The following PPP6R2 variants were observed in gnomAD, a reference collection of about 807,000 sequenced individuals.
PPP6R2 encodes serine/threonine-protein phosphatase 6 regulatory subunit 2.
PPP6R2 carries 62 observed loss-of-function variants against 100.2 expected under a neutral mutation model. That is an observed-to-expected ratio of 0.62 (90% CI 0.50 to 0.76). The LOEUF is 0.76. Ranked by LOEUF, PPP6R2 falls within the 30% of genes least tolerant of loss-of-function variation. The pLI, the probability that PPP6R2 is intolerant of heterozygous loss-of-function variation, is 0.00. For missense variants in PPP6R2, 1,142 were observed against 1,276.3 expected (o/e 0.89, Z 1.60); for synonymous variants, 525 against 514.7 (o/e 1.02, Z -0.27).
intron 2 of PPP6R2, among the ~76,000 whole-genome samples, chr22:50,377,474 G>A (rs7287079): frequency 0.072 from 10,877 of 151,880 alleles, 861 homozygotes; most frequent in African/African-American, 0.2. Context: ...AGTGTGTACA[G>A]GTTTAATAAC....
intron 2 of PPP6R2, among the ~76,000 whole-genome samples, chr22:50,384,485 G>A (rs986742203): frequency 1.3e-5 from 2 of 152,046 alleles, no homozygotes; most frequent in Non-Finnish European, 2.9e-5. Context: ...AACTTGGGAG[G>A]TGGAGGTTGC....
intron 4 of PPP6R2, among the ~76,000 whole-genome samples, chr22:50,410,228 T>C (rs2059548530): frequency 6.6e-6 from 1 of 152,254 alleles, no homozygotes; most frequent in East Asian, 1.9e-4. Flanking sequence ...TGACAAACTG[T>C]GGTCCACAGG....
chr22:50,355,264 G>A (rs1428611364), intron 1 of PPP6R2, among the ~76,000 whole-genome samples: 3 of 144,650 alleles, frequency 2.1e-5, no homozygotes, highest in African/African-American at 7.9e-5. Context: ...TTGAGACAGA[G>A]TCTCGCTCTG....
At position 50,423,728 on chromosome 22, in the gene PPP6R2, G is replaced by A; in HGVS notation, c.1125+114G>A. ...AGCATTTGGACAAAGCTCTGCCACG[G>A]GGAGGTTCCAGTCCCAAGTCCCAAG... On this transcript the variant is annotated intron_variant, in intron 10 of 23. Transcript: ENST00000612753. This position sits in a 1 kb window ranked among gnomAD's most constrained non-coding sequence, Gnocchi z 4.8. 7.4e-7 allele frequency: 1 copy of A among 1,359,620 alleles called. No individual in the cohort carries two copies. The highest frequency in any genetic ancestry group is 2.5e-5 in the East Asian group (1 of 39,784). The allele number at this position is 1,359,620 out of a possible 1,614,324, so 84.2% of individuals were successfully genotyped here. A position where few individuals can be genotyped will look rare whatever the true frequency, so the allele number is the denominator to read the frequency against.
chr22:50,394,913 CAAAAAA>C (rs57028687), intron 3 of PPP6R2, among the ~76,000 whole-genome samples: 3 of 76,424 alleles, frequency 3.9e-5, no homozygotes, highest in Admixed American at 1.7e-4. Context: ...GACTCTGTCT[CAAAAAA>C]AAAAAAAAAA....
At chr22:50,403,234 T>A (rs1022041490) in intron 3 of PPP6R2, among the ~76,000 whole-genome samples, 1 of 152,166 alleles carries the variant, frequency 6.6e-6, no homozygotes, top group African/African-American at 2.4e-5. Flanking sequence ...GTTTGTTCCC[T>A]GTGGTATTGA....
At chr22:50,363,633 G>A (rs951417454) in intron 1 of PPP6R2, among the ~76,000 whole-genome samples, 4 of 152,194 alleles carry the variant, frequency 2.6e-5, no homozygotes, top group East Asian at 1.9e-4. Context: ...TCCGCTGTCC[G>A]CAGCTGCTGC....
intron 2 of PPP6R2, among the ~76,000 whole-genome samples, chr22:50,390,293 A>G (rs933777784): frequency 3.3e-5 from 5 of 152,042 alleles, no homozygotes; most frequent in Admixed American, 6.6e-5. Context: ...CGCCCAGCCC[A>G]TATGCCGTTT....
chr22:50,333,534 G>A, the PPP6R2 span, among the ~76,000 whole-genome samples: 7 of 152,118 alleles, frequency 4.6e-5, no homozygotes, highest in South Asian at 2.1e-4. Flanking sequence ...AGGTTTCACC[G>A]TGTTAGCCAG....
chr22:50,431,121 C>G lies in PPP6R2; in HGVS notation c.1126-52C>G. ...GGTTTCCCTCAGCTTTGTGGTGTAG[C>G]CGGCAGGAGAAAACCGATCTAAGAA... On this transcript the variant is annotated intron_variant, in intron 10 of 23. Coordinates refer to ENST00000612753, the MANE Select transcript of PPP6R2 (RefSeq NM_001242898.2). The surrounding 1 kb of genome is among the most constrained non-coding windows in gnomAD (Gnocchi z 4.8). 6 of 1,447,820 alleles carry G rather than the reference C, an allele frequency of 4.1e-6. No individual in the cohort carries two copies. In the Admixed American group the frequency reaches 6.9e-5, roughly 17 times the overall value. 89.7% of individuals were successfully genotyped at this position (1,447,820 alleles called of 1,614,324 possible). A position where few individuals can be genotyped will look rare whatever the true frequency, so the allele number is the denominator to read the frequency against.
rs144199153 is a variant in PPP6R2 at position 50,437,246 on chromosome 22, T to C, written c.1683+178T>C. 8.5e-4 allele frequency among the ~76,000 whole-genome samples: 130 copies of C among 152,338 alleles called. No homozygotes were observed. The East Asian group carries it at 0.022, about 26-fold the overall frequency. On this transcript the variant is annotated intron_variant, in intron 15 of 23. Coordinates refer to ENST00000612753, the MANE Select transcript of PPP6R2 (RefSeq NM_001242898.2). Reference sequence around the variant, plus strand: ...GGGAGAACCCCAAAGTCACTCCACCTTGATGAGAGCACTGAGGACACGGCA... The same window carrying C: ...GGGAGAACCCCAAAGTCACTCCACCCTGATGAGAGCACTGAGGACACGGCA...
chr22:50,379,821 C>T (rs920245228), intron 2 of PPP6R2, among the ~76,000 whole-genome samples: 3 of 151,920 alleles, frequency 2.0e-5, no homozygotes, highest in East Asian at 1.9e-4. Context: ...TTGACATTGC[C>T]GTGATCACAC....
chr22:50,354,533 C>T (rs996370227), intron 1 of PPP6R2, among the ~76,000 whole-genome samples: 1 of 151,728 alleles, frequency 6.6e-6, no homozygotes, highest in African/African-American at 2.4e-5. Flanking sequence ...AAAAGGAACA[C>T]AAACATTTGT....
At chr22:50,419,717 T>C (rs1194416263) in intron 8 of PPP6R2, among the ~76,000 whole-genome samples, 3 of 152,250 alleles carry the variant, frequency 2.0e-5, no homozygotes, top group Non-Finnish European at 2.9e-5. Flanking sequence ...CATTTGTCGA[T>C]GTGCGTGGAA....
intron 2 of PPP6R2, among the ~76,000 whole-genome samples, chr22:50,388,804 G>A (rs2054806757): frequency 1.3e-5 from 2 of 151,884 alleles, no homozygotes; most frequent in African/African-American, 2.4e-5. Context: ...CCCAGGAGGC[G>A]GAAGTTGCGG....
chr22:50,338,304 G>GTGTGTGTGTGGTGTGTAGTGTGTGT (rs2042325975), upstream of PPP6R2, among the ~76,000 whole-genome samples: 1 of 140,416 alleles, frequency 7.1e-6, no homozygotes, highest in Admixed American at 7.1e-5. Context: ...GTAGTGTGTG[G>GTGTGTGTGTGGTGTGTAGTGTGTGT]TGTGTGTGTG....
intron 1 of PPP6R2, among the ~76,000 whole-genome samples, chr22:50,351,066 G>A (rs1458502751): frequency 1.1e-5 from 1 of 93,090 alleles, no homozygotes; most frequent in African/African-American, 4.4e-5. Flanking sequence ...TTGAGACAGA[G>A]TTTCACTCTT....
At chr22:50,339,263 TGTGTGGTGTGTGTAG>T (rs2042340840), upstream of PPP6R2, among the ~76,000 whole-genome samples, 1 of 110,692 alleles carries the variant, frequency 9.0e-6, no homozygotes, top group African/African-American at 7.2e-5. Flanking sequence ...GTTGTGTGAT[TGTGTGGTGTGTGTAG>T]GGTGTGTGTT....
chr22:50,339,290 TGTGTG>T (rs2042341237), upstream of PPP6R2, among the ~76,000 whole-genome samples: 1 of 129,634 alleles, frequency 7.7e-6, no homozygotes, highest in South Asian at 2.5e-4. Context: ...GTGTGTGTTG[TGTGTG>T]GTATGTGGTG....
Sources: allele counts gnomAD v4.1 joint callset (sites outside exome capture counted in the v4.1 genomes callset), GRCh38; gene constraint gnomAD v4.1.1; non-coding constraint Gnocchi (gnomAD v3.1); transcripts MANE v1.5; gene names NCBI Gene and HGNC (gene_info 2026-07-23, HGNC 2026-07-21).